HSD17B2: variants seen among roughly 807,000 people sequenced by gnomAD.
HSD17B2 encodes the protein 17-beta-hydroxysteroid dehydrogenase type 2.
Under a neutral mutation model 26.9 loss-of-function variants are expected in HSD17B2, and 32 were observed. The observed-to-expected ratio is 1.19, with a 90% CI of 0.90 to 1.60. The LOEUF is 1.60. Ranked by LOEUF, HSD17B2 falls within the 40% of genes most tolerant of loss-of-function variation. The pLI is 0.00. For synonymous variants in HSD17B2, 246 were observed against 186.7 expected (o/e 1.32, Z -2.59); for missense variants, 613 against 468.6 (o/e 1.31, Z -2.85).
rs149533740 is a variant in HSD17B2, at chr16:82,080,473, G to A, written c.664+9346G>A. Among the ~76,000 whole-genome samples, 6 of 152,296 alleles carry A rather than the reference G, an allele frequency of 3.9e-5. No homozygotes were observed. The East Asian group carries it at 1.2e-3, about 29-fold the overall frequency. On this transcript the variant is annotated intron_variant, in intron 3 of 4. Transcript: ENST00000199936. ...AGGAAGGGGCCAGAAACCAAGGAAT[G>A]CAGGTGGCTTCTAGAAGCTGGAAAA...
At chr16:82,086,291 C>T (rs1490906576) in intron 3 of HSD17B2, among the ~76,000 whole-genome samples, 3 of 152,152 alleles carry the variant, frequency 2.0e-5, no homozygotes, top group African/African-American at 7.2e-5. Context: ...GAATATTTTT[C>T]AGCTTTACAA....
At position 82,047,963 on chromosome 16, in the gene HSD17B2, C is replaced by A. The variant is rs8191078; in HGVS notation, c.265+12274C>A. 5.0e-3 allele frequency among the ~76,000 whole-genome samples: 756 copies of A among 152,200 alleles called. 7 individuals are homozygous for A. Among genetic ancestry groups the A allele is most frequent in the African/African-American group, 0.016 (670 of 41,526 alleles). On this transcript the variant is annotated intron_variant, in intron 1 of 4. Coordinates refer to ENST00000199936, the MANE Select transcript of HSD17B2 (RefSeq NM_002153.3). ...CAATGAAGAGAAACCATAGGTCTTG[C>A]GAGACTGAGGAAGAGGAGCTGACTT...
At chr16:82,054,770 A>G (rs528676756) in intron 1 of HSD17B2, among the ~76,000 whole-genome samples, 228 of 152,034 alleles carry the variant, frequency 1.5e-3, no homozygotes, top group Middle Eastern at 0.014. Context: ...CTCTTTCCCC[A>G]CTAGTGTCTT....
chr16:82,081,308 T>C (rs980441298), intron 3 of HSD17B2, among the ~76,000 whole-genome samples: 5 of 152,192 alleles, frequency 3.3e-5, no homozygotes, highest in Non-Finnish European at 7.3e-5. Context: ...TTCTCCTCTC[T>C]CCTTCTGTTG....
chr16:82,051,845 C>G (rs117520750), intron 1 of HSD17B2, among the ~76,000 whole-genome samples: 2 of 152,356 alleles, frequency 1.3e-5, no homozygotes, highest in East Asian at 1.9e-4. Context: ...CTCAGAGCCT[C>G]AGATTACTAA....
At chr16:82,059,744 T>C (rs1409097166) in intron 1 of HSD17B2, among the ~76,000 whole-genome samples, 1 of 152,188 alleles carries the variant, frequency 6.6e-6, no homozygotes, top group Non-Finnish European at 1.5e-5. Flanking sequence ...GAATGTGTTT[T>C]GCAAAGAGCA....
rs8191116 is a variant in HSD17B2 at position 82,061,088 on chromosome 16, G to A, written c.266-7082G>A. On this transcript the variant is annotated intron_variant, in intron 1 of 4. Transcript: ENST00000199936. ...AGCCTGGCCAAGATGGTGAAACCCCGTCTCTATTAAAAATACAAAAATGAG... is the reference window on the plus strand; with the variant it reads ...AGCCTGGCCAAGATGGTGAAACCCCATCTCTATTAAAAATACAAAAATGAG... 6.6e-4 allele frequency among the ~76,000 whole-genome samples: 100 copies of A among 152,044 alleles called. 1 individual carries two copies. The highest frequency in any genetic ancestry group is 1.3e-3 in the African/African-American group (54 of 41,498).
At chr16:82,045,062 G>A (rs1042903614) in intron 1 of HSD17B2, among the ~76,000 whole-genome samples, 1 of 143,998 alleles carries the variant, frequency 6.9e-6, no homozygotes, top group Non-Finnish European at 1.5e-5. Context: ...GGCAGAGGTT[G>A]CAGTGAGCTG....
At position 82,098,263 on chromosome 16, in the gene HSD17B2, G is replaced by A. The variant is rs766233863; in HGVS notation, c.991G>A (p.Ala331Thr). 6.4e-5 allele frequency: 104 copies of A among 1,614,082 alleles called. No homozygotes were observed. The highest frequency in any genetic ancestry group is 8.6e-5 in the Non-Finnish European group (102 of 1,180,040). The change falls in exon 5 of 5, where the codon GCG becomes ACG. Residue 331 changes from alanine (A) to threonine (T), a missense_variant. Coordinates refer to ENST00000199936, the MANE Select transcript of HSD17B2 (RefSeq NM_002153.3). ...GCGGGACATCCAGCATGCTATCTTG[G>A]CGAAGAGCCCTTTTGCCTATTACAC... Reference protein sequence around the residue: ...VLRDIQHAILAKSPFAYYTPG... With the variant: ...VLRDIQHAILTKSPFAYYTPG...
chr16:82,035,724 A>C, intron 1 of HSD17B2, 35 bp downstream of exon 1: 1 of 1,599,450 alleles, frequency 6.3e-7, no homozygotes, highest in Non-Finnish European at 8.5e-7. Context: ...CACTGAGGGT[A>C]TGATCTGAAA....
rs377408678 is a variant in HSD17B2, at chr16:82,052,252, C to T, written c.266-15918C>T. 13 of 152,308 alleles carry T rather than the reference C, an allele frequency of 8.5e-5. No homozygotes were observed. In the East Asian group the frequency reaches 9.6e-4, roughly 11 times the overall value. The allele number at this position is 152,308 out of a possible 1,614,324, so 9.4% of individuals were successfully genotyped here. A position where few individuals can be genotyped will look rare whatever the true frequency, so the allele number is the denominator to read the frequency against. On this transcript the variant is annotated intron_variant, in intron 1 of 4. Transcript: ENST00000199936. ...TCTCTGTTGTTCAGGTGGGCATTCT[C>T]GTTTGCCAAAAATTGAGAAGCTACG...
Position 82,098,469 on chromosome 16 carries a change from A to T in HSD17B2, c.*33A>T. ...AAGCCCTCAAAGAAGTCGGAATGTC[A>T]TAGTCTTGAAATGAAAGGGAAACTG... On this transcript the variant is annotated 3_prime_UTR_variant, in exon 5 of 5. Transcript: ENST00000199936. The T allele has an allele frequency of 1.3e-6, 2 of 1,547,888 alleles. No homozygotes were observed. The highest frequency in any genetic ancestry group is 1.7e-6 in the Non-Finnish European group (2 of 1,152,218).
Position 82,098,380 on chromosome 16 carries a change from G to T in HSD17B2, c.1108G>T (p.Asp370Tyr), listed in dbSNP as rs777654582. Residue 370 changes from aspartate (D) to tyrosine (Y), a missense_variant, in exon 5 of 5, where the codon GAC becomes TAC. Physicochemically the swap from Asp to Tyr is radical, Grantham distance 160. Coordinates refer to ENST00000199936, the MANE Select transcript of HSD17B2 (RefSeq NM_002153.3). ...DYFAKRHFGQ[D>Y]KPMPRALRMP... ...CTTTGCTAAAAGACATTTTGGCCAAGACAAGCCCATGCCCAGAGCTCTAAG... is the reference window on the plus strand; with the variant it reads ...CTTTGCTAAAAGACATTTTGGCCAATACAAGCCCATGCCCAGAGCTCTAAG... The T allele has an allele frequency of 6.2e-7, 1 of 1,614,090 alleles. No homozygotes were observed. The highest frequency in any genetic ancestry group is 8.5e-7 in the Non-Finnish European group (1 of 1,179,980).
intron 3 of HSD17B2, among the ~76,000 whole-genome samples, chr16:82,086,340 C>G (rs1904526572): frequency 6.6e-6 from 1 of 152,102 alleles, no homozygotes; most frequent in African/African-American, 2.4e-5. Flanking sequence ...ATGAATGAAC[C>G]TTGAAAACAT....
intron 3 of HSD17B2, among the ~76,000 whole-genome samples, chr16:82,078,671 T>G (rs958498108): frequency 6.6e-6 from 1 of 152,204 alleles, no homozygotes; most frequent in Non-Finnish European, 1.5e-5. Context: ...ATACACACAA[T>G]GGAGTACTAT....
At chr16:82,045,818 T>C (rs940082209) in intron 1 of HSD17B2, among the ~76,000 whole-genome samples, 22 of 152,368 alleles carry the variant, frequency 1.4e-4, no homozygotes, top group African/African-American at 5.0e-4. Context: ...CCTTTTAAGC[T>C]CTGACCTCTT....
intron 4 of HSD17B2, chr16:82,091,472 A>T (rs916008959): frequency 9.8e-6 from 2 of 204,904 alleles, no homozygotes; most frequent in South Asian, 8.9e-5. Flanking sequence ...CAGATCCTGG[A>T]GAGAAATGCT....
intron 2 of HSD17B2, among the ~76,000 whole-genome samples, chr16:82,068,983 G>A (rs552259576): frequency 6.6e-6 from 1 of 152,144 alleles, no homozygotes; most frequent in African/African-American, 2.4e-5. Flanking sequence ...GTAAGCATGT[G>A]CCATGGTGGT....
intron 1 of HSD17B2, among the ~76,000 whole-genome samples, chr16:82,043,142 A>G (rs1385601422): frequency 6.6e-6 from 1 of 152,200 alleles, no homozygotes. Flanking sequence ...CCTTCAAGGA[A>G]GGATGAGGGG....
Sources: allele counts gnomAD v4.1 joint callset (sites outside exome capture counted in the v4.1 genomes callset), GRCh38; gene constraint gnomAD v4.1.1; transcripts MANE v1.5; gene names NCBI Gene and HGNC (gene_info 2026-07-23, HGNC 2026-07-21).